The following GPM6B variants were observed in gnomAD, a reference collection of about 807,000 sequenced individuals.
GPM6B encodes the protein neuronal membrane glycoprotein M6-b.
Under a neutral mutation model 27.2 loss-of-function variants are expected in GPM6B, and 4 were observed. The observed-to-expected ratio is 0.15, with a 90% CI of 0.07 to 0.34. GPM6B has a LOEUF of 0.34. Among genes scored for constraint, GPM6B ranks in the 10% least tolerant of loss-of-function variants. GPM6B has a pLI of 1.00. For missense variants in GPM6B, 183 were observed against 261.9 expected, an observed-to-expected ratio of 0.70 and a Z score of 2.08; for synonymous variants, 124 against 103.1, an observed-to-expected ratio of 1.20 and a Z score of -1.23.
chrX:13,871,116 A>T (rs1603099520), intron 1 of GPM6B, among the ~76,000 whole-genome samples: 1 of 52,910 alleles, frequency 1.9e-5, no homozygotes, highest in Non-Finnish European at 5.0e-5. Flanking sequence ...AAACAAAACA[A>T]AAAAAAAAGA....
At chrX:13,938,167 T>A (rs1208477479) in intron 1 of GPM6B, among the ~76,000 whole-genome samples, 1 of 110,708 alleles carries the variant, frequency 9.0e-6, no homozygotes, top group East Asian at 2.9e-4. Context: ...ACTGGCCCCT[T>A]AAAATAAAGC....
chrX:13,806,351 T>C (rs910807227), intron 2 of GPM6B, among the ~76,000 whole-genome samples: 1 of 112,512 alleles, frequency 8.9e-6, no homozygotes, highest in Non-Finnish European at 1.9e-5. Context: ...AATATTTCAT[T>C]CCTTTTTATT....
intron 2 of GPM6B, among the ~76,000 whole-genome samples, chrX:13,802,575 G>A (rs1327140670): frequency 1.8e-5 from 2 of 109,983 alleles, no homozygotes; most frequent in Non-Finnish European, 3.8e-5. Flanking sequence ...TATAAAGACT[G>A]CCATAGCAGT....
chrX:13,817,181 G>C (rs1332842684), upstream of GPM6B: 3 of 908,099 alleles, frequency 3.3e-6, no homozygotes, highest in East Asian at 1.0e-4. Flanking sequence ...TTCGGCGCCC[G>C]GTGGTGCCTA....
chrX:13,871,089 C>T (rs908316960), intron 1 of GPM6B, among the ~76,000 whole-genome samples: 13 of 35,840 alleles, frequency 3.6e-4, no homozygotes, highest in Non-Finnish European at 1.5e-4. Context: ...AAAAACAAAA[C>T]AAAACAAAAC....
chrX:13,929,385 A>G (rs1462645196), intron 1 of GPM6B, among the ~76,000 whole-genome samples: 2 of 110,153 alleles, frequency 1.8e-5, no homozygotes, highest in African/African-American at 6.6e-5. Flanking sequence ...TGGTCTGCAA[A>G]GCTCCCCATT....
chrX:13,786,536 G>A (rs1198958539), intron 2 of GPM6B, among the ~76,000 whole-genome samples: 1 of 110,361 alleles, frequency 9.1e-6, no homozygotes, highest in African/African-American at 3.3e-5. Flanking sequence ...CCCCAGCCCA[G>A]TCAGCCCAAG....
intron 1 of GPM6B, among the ~76,000 whole-genome samples, chrX:13,836,766 C>T (rs1191859920): frequency 1.8e-5 from 2 of 112,509 alleles, no homozygotes; most frequent in African/African-American, 6.5e-5. Flanking sequence ...CTGACATATA[C>T]AAATTGCCTC....
intron 1 of GPM6B, among the ~76,000 whole-genome samples, chrX:13,893,411 C>CAA (rs34524225): frequency 9.9e-6 from 1 of 100,580 alleles, no homozygotes; most frequent in Non-Finnish European, 2.0e-5. Flanking sequence ...ACTGAATCTA[C>CAA]AAAAAAAAAA....
At chrX:13,798,247 C>T (rs2048852585) in intron 2 of GPM6B, among the ~76,000 whole-genome samples, 1 of 110,065 alleles carries the variant, frequency 9.1e-6, no homozygotes, top group Non-Finnish European at 1.9e-5. Flanking sequence ...AAGCCAAGAG[C>T]CACATTAACC....
intron 1 of GPM6B, among the ~76,000 whole-genome samples, chrX:13,859,546 GA>G (rs1247222995): frequency 2.7e-5 from 3 of 110,627 alleles, no homozygotes; most frequent in African/African-American, 9.9e-5. Context: ...TTTGTGTACA[GA>G]GATTTTTTTT....
At chrX:13,866,907 C>T (rs2049926380) in intron 1 of GPM6B, among the ~76,000 whole-genome samples, 1 of 111,754 alleles carries the variant, frequency 8.9e-6, no homozygotes, top group South Asian at 3.8e-4. Flanking sequence ...AAGGAAAAAA[C>T]ATGCTTCAAA....
At chrX:13,865,541 TCA>T (rs1491471510) in intron 1 of GPM6B, among the ~76,000 whole-genome samples, 1 of 3,115 alleles carries the variant, frequency 3.2e-4, no homozygotes, top group African/African-American at 7.2e-4. Context: ...ATCCATCTCT[TCA>T]AAAAAAAAAA....
intron 1 of GPM6B, among the ~76,000 whole-genome samples, chrX:13,809,058 T>G (rs1326528544): frequency 8.9e-6 from 1 of 111,986 alleles, no homozygotes; most frequent in Non-Finnish European, 1.9e-5. Flanking sequence ...TATGGAGTGC[T>G]TATGATGTAC....
intron 1 of GPM6B, among the ~76,000 whole-genome samples, chrX:13,887,796 A>G (rs978318501): frequency 1.8e-5 from 2 of 111,988 alleles, no homozygotes; most frequent in South Asian, 3.7e-4. Context: ...GAAAAATTAA[A>G]TCAGAATTTC....
At chrX:13,929,263 A>G (rs1404187571) in intron 1 of GPM6B, among the ~76,000 whole-genome samples, 1 of 111,398 alleles carries the variant, frequency 9.0e-6, no homozygotes. Flanking sequence ...GATAAGGTGC[A>G]CTAATCATTA....
intron 7 of GPM6B, 165 bp downstream of exon 7, chrX:13,776,073 C>T: frequency 2.1e-6 from 1 of 478,716 alleles, no homozygotes. Context: ...CCAACTAATA[C>T]TTTCTGTAAA....
At chrX:13,821,666 G>A (rs1336870037), upstream of GPM6B, among the ~76,000 whole-genome samples, 2 of 111,182 alleles carry the variant, frequency 1.8e-5, no homozygotes, top group Non-Finnish European at 3.8e-5. Flanking sequence ...GCGTGATCTC[G>A]GCTCACTGCA....
intron 2 of GPM6B, among the ~76,000 whole-genome samples, chrX:13,804,005 T>G (rs187550397): frequency 8.9e-6 from 1 of 112,054 alleles, no homozygotes. Flanking sequence ...GAGGGTAAAT[T>G]CACATAATCA....
Sources: allele counts gnomAD v4.1 joint callset (sites outside exome capture counted in the v4.1 genomes callset), GRCh38; gene constraint gnomAD v4.1.1; transcripts MANE v1.5; gene names NCBI Gene and HGNC (gene_info 2026-07-23, HGNC 2026-07-21).